The following CD80 variants were observed in gnomAD, a reference collection of about 807,000 sequenced individuals.
CD80 encodes the protein CD80 molecule, also known as T-lymphocyte activation antigen CD80.
Under a neutral mutation model 27.1 loss-of-function variants are expected in CD80, and 13 were observed. The ratio of observed to expected loss-of-function variants is 0.48; its 90% confidence interval spans 0.31 to 0.76. The LOEUF (loss-of-function observed/expected upper bound fraction) is 0.76. Among genes scored for constraint, CD80 ranks in the 30% least tolerant of loss-of-function variants. The pLI, the probability that CD80 is intolerant of heterozygous loss-of-function variation, is 0.04. For missense variants in CD80, 277 were observed against 347.9 expected (o/e 0.80, Z 1.62); for synonymous variants, 125 against 125.5 (o/e 1.00, Z 0.03).
chr3:119,547,811 C>A lies in CD80; in HGVS notation c.101-2944G>T, dbSNP rs752151431. Among the ~76,000 whole-genome samples the A allele has an allele frequency of 4.3e-4, 66 of 152,208 alleles. 1 individual carries two copies. The highest frequency in any genetic ancestry group is 6.8e-3 in the Middle Eastern group (2 of 294). ...ATATAACTATTGATATACTGACAAG[C>A]AAATTGCCTTATTTTTCCACCTATA... On this transcript the variant is annotated intron_variant, in intron 2 of 6. Coordinates refer to ENST00000264246, the MANE Select transcript of CD80 (RefSeq NM_005191.4).
intron 4 of CD80, among the ~76,000 whole-genome samples, chr3:119,530,938 T>A (rs2082106507): frequency 6.6e-6 from 1 of 152,262 alleles, no homozygotes; most frequent in South Asian, 2.1e-4. Context: ...TTAGCCAGCC[T>A]ATCCAAGTAC....
intron 3 of CD80, among the ~76,000 whole-genome samples, chr3:119,543,446 C>G (rs1048722381): frequency 4.0e-5 from 6 of 151,152 alleles, no homozygotes; most frequent in African/African-American, 1.5e-4. Flanking sequence ...AAATGCTCAC[C>G]CTCCTCTGTA....
rs746831220 is a variant in CD80, at chr3:119,537,448, G to A, written c.419-30C>T. The A allele has an allele frequency of 4.7e-5, 68 of 1,449,390 alleles. No individual in the cohort carries two copies. The Admixed American group carries it at 6.6e-4, about 14-fold the overall frequency. The allele number at this position is 1,449,390 out of a possible 1,614,324, so 89.8% of individuals were successfully genotyped here. On this transcript the variant is annotated intron_variant, in intron 3 of 6. Transcript: ENST00000264246. ...AGAAAGAACAAGAATATATAATTAC[G>A]TATAGTTACAAACCTATGTGTGTAG... is the stretch of plus-strand genomic sequence containing the variant.
In CD80 at chr3:119,544,834, A is replaced by G; in HGVS notation, c.134T>C (p.Val45Ala). The change falls in exon 3 of 7, where the codon GTG becomes GCG. Residue 45 changes from valine (V) to alanine (A), a missense_variant. Coordinates refer to ENST00000264246, the MANE Select transcript of CD80 (RefSeq NM_005191.4). ...ATTGTGACCACAGGACAGCGTTGCCACTTCTTTCACTTCCTTGGTCACGTG... is the reference window on the plus strand; with the variant it reads ...ATTGTGACCACAGGACAGCGTTGCCGCTTCTTTCACTTCCTTGGTCACGTG... ...VIHVTKEVKE[V>A]ATLSCGHNVS... is the part of the protein sequence containing the mutation. 1 of 1,614,118 alleles carries G rather than the reference A, an allele frequency of 6.2e-7. No homozygotes were observed. Among genetic ancestry groups the G allele is most frequent in the Non-Finnish European group, 8.5e-7 (1 of 1,179,978 alleles).
At chr3:119,547,162 G>T (rs761710456) in intron 2 of CD80, among the ~76,000 whole-genome samples, 1 of 152,052 alleles carries the variant, frequency 6.6e-6, no homozygotes, top group Non-Finnish European at 1.5e-5. Flanking sequence ...AAAGAACATG[G>T]GCTTTTTTCA....
At chr3:119,533,770 T>C (rs1442472551) in intron 4 of CD80, among the ~76,000 whole-genome samples, 1 of 152,200 alleles carries the variant, frequency 6.6e-6, no homozygotes, top group African/African-American at 2.4e-5. Context: ...TTGCCCAGTC[T>C]CGGGTATGTC....
At chr3:119,529,224 A>G (rs2082096614) in intron 5 of CD80, among the ~76,000 whole-genome samples, 1 of 152,120 alleles carries the variant, frequency 6.6e-6, no homozygotes, top group Non-Finnish European at 1.5e-5. Context: ...TGCTGGGATT[A>G]CAGGCATGAG....
chr3:119,531,516 T>C (rs1237483562), intron 4 of CD80, among the ~76,000 whole-genome samples: 5 of 152,188 alleles, frequency 3.3e-5, no homozygotes, highest in Non-Finnish European at 7.3e-5. Flanking sequence ...TATCTAAATT[T>C]TTCCTGCAAA....
intron 3 of CD80, 151 bp downstream of exon 3, chr3:119,544,399 A>G (rs1368871977): frequency 1.6e-6 from 1 of 633,478 alleles, no homozygotes; most frequent in Non-Finnish European, 2.8e-6. Context: ...GAAACCAGTT[A>G]GAGTTTATTG....
chr3:119,539,188 T>G (rs750059759), intron 3 of CD80, among the ~76,000 whole-genome samples: 3 of 152,218 alleles, frequency 2.0e-5, no homozygotes, highest in Non-Finnish European at 4.4e-5. Context: ...AGACATGCTG[T>G]TTATTTATTT....
Position 119,529,633 on chromosome 3 carries a change from T to C in CD80, c.796+209A>G, listed in dbSNP as rs9837692. ...TTGTCATTGTAATTCCAGTGCCTAG[T>C]AGAGTGCCACACACGTAGGAGGTGT... On this transcript the variant is annotated intron_variant, in intron 5 of 6. Coordinates refer to ENST00000264246, the MANE Select transcript of CD80 (RefSeq NM_005191.4). Among the ~76,000 whole-genome samples, 465 of 152,272 alleles carry C rather than the reference T, an allele frequency of 3.1e-3. 1 individual carries two copies. Among genetic ancestry groups the C allele is most frequent in the African/African-American group, 0.011 (439 of 41,548 alleles).
intron 2 of CD80, among the ~76,000 whole-genome samples, chr3:119,547,327 C>T (rs1419289372): frequency 6.6e-6 from 1 of 152,218 alleles, no homozygotes; most frequent in Non-Finnish European, 1.5e-5. Context: ...AAATATGAAT[C>T]CCATTCTCCT....
chr3:119,529,988 A>T (rs2082101104), intron 4 of CD80, 51 bp from the exon 5 acceptor site: 6 of 1,303,148 alleles, frequency 4.6e-6, no homozygotes, highest in Non-Finnish European at 6.7e-6. Context: ...CTACTGCCTG[A>T]TACTCATTCT....
intron 2 of CD80, among the ~76,000 whole-genome samples, chr3:119,546,853 T>C (rs2082205279): frequency 7.0e-6 from 1 of 143,410 alleles, no homozygotes; most frequent in Admixed American, 6.9e-5. Flanking sequence ...TATGCACATG[T>C]ACACGCATTC....
At chr3:119,536,841 C>T (rs573123227) in intron 4 of CD80, among the ~76,000 whole-genome samples, 1 of 152,264 alleles carries the variant, frequency 6.6e-6, no homozygotes, top group Non-Finnish European at 1.5e-5. Flanking sequence ...TGTACCTTTC[C>T]TATGTTTACA....
In CD80 at chr3:119,525,040, C is replaced by T. The variant is rs1245575538; in HGVS notation, c.*748G>A. 2.0e-5 allele frequency: 3 copies of T among 152,208 alleles called. No individual in the cohort carries two copies. Among genetic ancestry groups the T allele is most frequent in the Non-Finnish European group, 2.9e-5 (2 of 68,040 alleles). The allele number at this position is 152,208 out of a possible 1,614,324, so 9.4% of individuals were successfully genotyped here. The stretch of plus-strand genomic sequence containing the variant: ...AATATGAACCAGTTAAGTCTTTGGA[C>T]TATCCCTTTCCTCCTTGACTACTGC... On this transcript the variant is annotated 3_prime_UTR_variant, in exon 7 of 7. Coordinates refer to ENST00000264246, the MANE Select transcript of CD80 (RefSeq NM_005191.4).
intron 4 of CD80, among the ~76,000 whole-genome samples, chr3:119,533,291 A>G (rs551606313): frequency 6.6e-6 from 1 of 152,342 alleles, no homozygotes; most frequent in South Asian, 2.1e-4. Context: ...AGCTTATTAG[A>G]TACCATGAGT....
chr3:119,557,337 A>G (rs2082270019), intron 2 of CD80, among the ~76,000 whole-genome samples: 1 of 152,200 alleles, frequency 6.6e-6, no homozygotes. Context: ...TATTCATGGA[A>G]GAGACCATTA....
chr3:119,548,905 GA>G (rs2082215315), intron 2 of CD80, among the ~76,000 whole-genome samples: 1 of 152,066 alleles, frequency 6.6e-6, no homozygotes, highest in South Asian at 2.1e-4. Context: ...GGCATGTTGG[GA>G]CACACCTGTA....
Sources: gnomAD v4.1 joint callset for allele counts (sites outside exome capture counted in the v4.1 genomes callset) on GRCh38, gnomAD v4.1.1 for gene constraint, MANE v1.5 for transcripts, NCBI Gene and HGNC (gene_info 2026-07-23, HGNC 2026-07-21) for gene names.